The following RBL2 variants were observed in gnomAD, a reference collection of about 807,000 sequenced individuals.
RBL2 encodes the protein RB transcriptional corepressor like 2.
In RBL2, 56 loss-of-function variants were observed where a neutral mutation model predicts 126.0. The observed-to-expected ratio is 0.44, with a 90% CI of 0.36 to 0.56. The LOEUF (loss-of-function observed/expected upper bound fraction) is 0.56, where lower values mean the gene tolerates loss of function less well. Among genes scored for constraint, RBL2 ranks in the 20% least tolerant of loss-of-function variants. The pLI is 0.00. For synonymous variants in RBL2, 454 were observed against 478.5 expected, an observed-to-expected ratio of 0.95 and a Z score of 0.67; for missense variants, 1,229 against 1,398.2, an observed-to-expected ratio of 0.88 and a Z score of 1.93.
At chr16:53,459,680 C>A in intron 9 of RBL2, 63 bp downstream of exon 9, 2 of 1,413,848 alleles carry the variant, frequency 1.4e-6, no homozygotes, top group Non-Finnish European at 1.9e-6. Flanking sequence ...ATTTCCTATT[C>A]TTTCATTATT....
intron 17 of RBL2, among the ~76,000 whole-genome samples, chr16:53,477,030 T>C (rs1219702386): frequency 6.6e-6 from 1 of 150,734 alleles, no homozygotes; most frequent in Non-Finnish European, 1.5e-5. Flanking sequence ...TAAAGTAGCA[T>C]TTTAACGTCA....
intron 8 of RBL2, among the ~76,000 whole-genome samples, chr16:53,458,534 T>G (rs2058189987): frequency 6.6e-6 from 1 of 152,246 alleles, no homozygotes; most frequent in Non-Finnish European, 1.5e-5. Flanking sequence ...CTGCATCAAG[T>G]TGCCTTTTTA....
chr16:53,435,881 T>G, intron 1 of RBL2: 1 of 889,440 alleles, frequency 1.1e-6, no homozygotes. Context: ...AGATAGTGTA[T>G]GGTGGCTTTA....
intron 1 of RBL2, among the ~76,000 whole-genome samples, chr16:53,435,124 A>G (rs1598081472): frequency 6.6e-6 from 1 of 152,038 alleles, no homozygotes; most frequent in Admixed American, 6.6e-5. Flanking sequence ...AGAATGAACT[A>G]GTGTCGTTGT....
chr16:53,452,663 A>G (rs541752492), intron 5 of RBL2, among the ~76,000 whole-genome samples: 1 of 151,948 alleles, frequency 6.6e-6, no homozygotes, highest in African/African-American at 2.4e-5. Flanking sequence ...TTTGTTTTAA[A>G]TTAAAAAGAA....
intron 19 of RBL2, 78 bp downstream of exon 19, chr16:53,480,069 C>G: frequency 3.3e-6 from 3 of 904,358 alleles, no homozygotes; most frequent in South Asian, 3.2e-5. Context: ...AGTAACTAAG[C>G]ATTACTAAAT....
chr16:53,469,785 A>T lies in RBL2; in HGVS notation c.1976-131A>T, dbSNP rs2058303477. Reference sequence around the variant, plus strand: ...AATATAGGTAAGATATGACTTCTGTAATTCTTGTTTGCTTTTTGAATTATG... The same window carrying T: ...AATATAGGTAAGATATGACTTCTGTTATTCTTGTTTGCTTTTTGAATTATG... On this transcript the variant is annotated intron_variant, in intron 14 of 21. Transcript: ENST00000262133. The T allele has an allele frequency of 2.7e-6, 3 of 1,108,294 alleles. No individual in the cohort carries two copies. In the Admixed American group the frequency reaches 8.4e-5, roughly 31 times the overall value. 68.7% of individuals were successfully genotyped at this position (1,108,294 alleles called of 1,614,324 possible).
intron 20 of RBL2, 47 bp downstream of exon 20, chr16:53,480,816 TGAG>T (rs1471545948): frequency 1.9e-6 from 3 of 1,545,956 alleles, no homozygotes; most frequent in African/African-American, 2.7e-5. Context: ...TCATGAGTGT[TGAG>T]GAATCATTTA....
rs66521736 is a variant in RBL2, at chr16:53,459,434, ATT to A, written c.1180-8_1180-7del. 19 of 1,527,634 alleles carry A rather than the reference ATT, an allele frequency of 1.2e-5. No individual in the cohort carries two copies. In the African/African-American group the frequency reaches 1.9e-4, roughly 16 times the overall value. The allele number at this position is 1,527,634 out of a possible 1,614,324, so 94.6% of individuals were successfully genotyped here. A position where few individuals can be genotyped will look rare whatever the true frequency, so the allele number is the denominator to read the frequency against. ...AAAAAATGTTTATTAATTCTGTGTA[ATT>A]TTTTTTTTCTTTAGTCCAAAGCACT... On this transcript the variant is annotated splice_polypyrimidine_tract_variant and intron_variant, in intron 8 of 21. Coordinates refer to ENST00000262133, the MANE Select transcript of RBL2 (RefSeq NM_005611.4).
At chr16:53,487,497 T>C (rs1277463351) in intron 21 of RBL2, 1 of 152,182 alleles carries the variant, frequency 6.6e-6, no homozygotes, top group Non-Finnish European at 1.5e-5. Context: ...TATAACAAAA[T>C]AATAGTAAAC....
chr16:53,477,841 A>C (rs1307089468), intron 17 of RBL2, among the ~76,000 whole-genome samples: 1 of 152,120 alleles, frequency 6.6e-6, no homozygotes, highest in African/African-American at 2.4e-5. Flanking sequence ...AGAAAGGAGA[A>C]GAAATGTGCA....
intron 20 of RBL2, 179 bp downstream of exon 20, chr16:53,480,948 C>G: frequency 1.8e-6 from 1 of 544,766 alleles, no homozygotes; most frequent in Non-Finnish European, 3.2e-6. Context: ...CACTTGAGGT[C>G]AGGAGTTCAA....
intron 12 of RBL2, 123 bp from the exon 13 acceptor site, chr16:53,465,311 AAGAC>A (rs769738018): frequency 3.3e-4 from 190 of 574,812 alleles, no homozygotes; most frequent in Middle Eastern, 5.2e-4. Context: ...ATTATTTACA[AAGAC>A]AGTAAAAGGA....
rs141066020 is a variant in RBL2, at chr16:53,443,709, G to A, written c.572+851G>A. ...TGTTGACAAGAAAAGTAAAGGGAAAGGAGTTAAAATTATTTGGCTAGAATA... is the reference window on the plus strand; with the variant it reads ...TGTTGACAAGAAAAGTAAAGGGAAAAGAGTTAAAATTATTTGGCTAGAATA... On this transcript the variant is annotated intron_variant, in intron 3 of 21. Transcript: ENST00000262133. Among the ~76,000 whole-genome samples, 687 of 152,260 alleles carry A rather than the reference G, an allele frequency of 4.5e-3. 2 individuals carry two copies. Among genetic ancestry groups the A allele is most frequent in the African/African-American group, 0.016 (666 of 41,566 alleles).
intron 8 of RBL2, among the ~76,000 whole-genome samples, chr16:53,457,257 G>GTTTTT (rs1555566417): frequency 1.4e-5 from 1 of 70,596 alleles, no homozygotes. Context: ...GGTACAGATA[G>GTTTTT]CTTTTTTTTT....
chr16:53,465,654 A>G (rs753433976), intron 13 of RBL2, 52 bp downstream of exon 13: 2 of 1,354,676 alleles, frequency 1.5e-6, no homozygotes, highest in South Asian at 3.5e-5. Flanking sequence ...TATCTAATCT[A>G]TTAATAATCC....
chr16:53,461,283 A>C (rs2058217536), intron 9 of RBL2, among the ~76,000 whole-genome samples: 1 of 152,222 alleles, frequency 6.6e-6, no homozygotes, highest in Non-Finnish European at 1.5e-5. Flanking sequence ...ACTTGAGGCC[A>C]GGAGTTCGAG....
intron 4 of RBL2, among the ~76,000 whole-genome samples, chr16:53,450,569 A>G (rs1489844154): frequency 6.6e-6 from 1 of 152,230 alleles, no homozygotes; most frequent in African/African-American, 2.4e-5. Context: ...TAGAAAATTA[A>G]GATAATAATA....
chr16:53,473,695 C>G (rs751966918), intron 17 of RBL2, among the ~76,000 whole-genome samples: 1 of 151,728 alleles, frequency 6.6e-6, no homozygotes, highest in East Asian at 1.9e-4. Flanking sequence ...ACAGAACTGT[C>G]GAAAGCAGAA....
Sources: gnomAD v4.1 joint callset for allele counts (sites outside exome capture counted in the v4.1 genomes callset) on GRCh38, gnomAD v4.1.1 for gene constraint, MANE v1.5 for transcripts, NCBI Gene and HGNC (gene_info 2026-07-23, HGNC 2026-07-21) for gene names.